The following MEX3C variants were observed in gnomAD, a reference collection of about 807,000 sequenced individuals.
The protein encoded by MEX3C is mex-3 RNA binding family member C.
MEX3C carries 15 observed loss-of-function variants against 35.5 expected under a neutral mutation model. The ratio of observed to expected loss-of-function variants is 0.42; its 90% confidence interval spans 0.28 to 0.65. The LOEUF (loss-of-function observed/expected upper bound fraction) is 0.65. Ranked by LOEUF, MEX3C falls within the 30% of genes least tolerant of loss-of-function variation. MEX3C has a pLI of 0.20. For synonymous variants in MEX3C, 390 were observed against 352.8 expected, an observed-to-expected ratio of 1.11 and a Z score of -1.18; for missense variants, 711 against 842.8, an observed-to-expected ratio of 0.84 and a Z score of 1.94.
chr18:51,190,539 T>A (rs1912629410), intron 1 of MEX3C, among the ~76,000 whole-genome samples: 4 of 152,186 alleles, frequency 2.6e-5, no homozygotes, highest in Admixed American at 2.6e-4. Context: ...TATTATTCCA[T>A]GATAGACTTT....
rs1024852467 is a variant in MEX3C, at chr18:51,175,140, A to G, written c.*1211T>C. The G allele has an allele frequency of 6.6e-6, 1 of 152,644 alleles. No homozygotes were observed. Among genetic ancestry groups the G allele is most frequent in the Non-Finnish European group, 1.5e-5 (1 of 68,034 alleles). 9.5% of individuals were successfully genotyped at this position (152,644 alleles called of 1,614,324 possible). On this transcript the variant is annotated 3_prime_UTR_variant, in exon 2 of 2. Transcript: ENST00000406189. ...CTATTTACTATTGAATACACATAGG[A>G]TTTCAATTTTCATTATACCGAGAAA... is the stretch of plus-strand genomic sequence containing the variant.
Position 51,176,506 on chromosome 18 carries a change from C to T in MEX3C, c.1825G>A (p.Val609Met). 6.2e-7 allele frequency: 1 copy of T among 1,614,012 alleles called. No homozygotes were observed. The highest frequency in any genetic ancestry group is 1.3e-5 in the African/African-American group (1 of 75,052). Residue 609 changes from valine (V) to methionine (M), a missense_variant, in exon 2 of 2, where the codon GTG becomes ATG. Around this residue, in one of 4 missense-constraint regions of MEX3C, gnomAD observed 87 missense variants for 150.4 expected, o/e 0.58. Coordinates refer to ENST00000406189, the MANE Select transcript of MEX3C (RefSeq NM_016626.5). Reference protein sequence around the residue: ...PPESRRKHDCVICFENEVIAA... With the variant: ...PPESRRKHDCMICFENEVIAA... ...ATAACCTCATTCTCAAAGCAAATCA[C>T]ACAGTCGTGCTTTCGTCTTGATTCT...
chr18:51,196,917 T>C lies in MEX3C; in HGVS notation c.404A>G (p.Glu135Gly). The C allele has an allele frequency of 6.5e-7, 1 of 1,543,560 alleles. No homozygotes were observed. The highest frequency in any genetic ancestry group is 8.7e-7 in the Non-Finnish European group (1 of 1,145,952). Residue 135 changes from glutamate to glycine, a missense_variant, in exon 1 of 2, where the codon GAG becomes GGG. Coordinates refer to ENST00000406189, the MANE Select transcript of MEX3C (RefSeq NM_016626.5). ...LEEEELEEAE[E>G]EDRSSLLLLS... is the part of the protein sequence containing the mutation. Reference sequence around the variant, plus strand: ...CAGCAGCAGCGACGACCGGTCCTCCTCCTCTGCTTCCTCCAGCTCCTCCTC... The same window carrying C: ...CAGCAGCAGCGACGACCGGTCCTCCCCCTCTGCTTCCTCCAGCTCCTCCTC...
intron 1 of MEX3C, among the ~76,000 whole-genome samples, chr18:51,182,402 T>A (rs1167030698): frequency 6.6e-6 from 1 of 152,150 alleles, no homozygotes; most frequent in Admixed American, 6.6e-5. Context: ...TAGCTACAGA[T>A]AAAAATCCAC....
rs528217409 is a variant in MEX3C at position 51,196,697 on chromosome 18, G to A, written c.624C>T (p.Gly208=). Reference sequence around the variant, plus strand: ...GGGCGGCCGCCGCCGCCCCACAACCGCCGGGGCCGTAGGCGTGGGACAGCA... The same window carrying A: ...GGGCGGCCGCCGCCGCCCCACAACCACCGGGGCCGTAGGCGTGGGACAGCA... ...AAMLSHAYGP[G]GCGAAAAALN... The change falls in exon 1 of 2, where the codon GGC becomes GGT. Residue 208 remains glycine, a synonymous_variant. Coordinates refer to ENST00000406189, the MANE Select transcript of MEX3C (RefSeq NM_016626.5). 8.3e-4 allele frequency: 1,272 copies of A among 1,541,728 alleles called. 20 individuals are homozygous for A. The Admixed American group carries it at 0.022, about 27-fold the overall frequency.
intron 1 of MEX3C, among the ~76,000 whole-genome samples, chr18:51,188,790 A>C (rs1405944020): frequency 1.3e-5 from 2 of 152,212 alleles, no homozygotes; most frequent in East Asian, 3.8e-4. Context: ...TAATAATGCA[A>C]AGATGACTAA....
At chr18:51,184,154 G>A (rs962598142) in intron 1 of MEX3C, among the ~76,000 whole-genome samples, 4 of 152,124 alleles carry the variant, frequency 2.6e-5, no homozygotes, top group African/African-American at 9.7e-5. Flanking sequence ...TAGGAGCTGT[G>A]AGCTAGAAGG....
intron 1 of MEX3C, among the ~76,000 whole-genome samples, chr18:51,192,377 G>A (rs1018978820): frequency 1.1e-4 from 17 of 152,002 alleles, no homozygotes; most frequent in African/African-American, 3.9e-4. Flanking sequence ...CATTATTAAC[G>A]AAATTTAAAT....
intron 1 of MEX3C, among the ~76,000 whole-genome samples, chr18:51,188,339 T>C (rs1012561397): frequency 6.6e-6 from 1 of 152,200 alleles, no homozygotes; most frequent in Non-Finnish European, 1.5e-5. Flanking sequence ...TGGTGACTTA[T>C]GCCTGTAATC....
Position 51,176,760 on chromosome 18 carries a change from C to T in MEX3C, c.1571G>A (p.Ser524Asn). 2.5e-6 allele frequency: 4 copies of T among 1,614,016 alleles called. No homozygotes were observed. The highest frequency in any genetic ancestry group is 3.4e-6 in the Non-Finnish European group (4 of 1,179,892). ...EPVNPLSGFG[S>N]DPSGNMKTQR... The stretch of plus-strand genomic sequence containing the variant: ...AGTCTTCATGTTACCAGAAGGATCA[C>T]TCCCAAAGCCAGAGAGTGGGTTAAC... Residue 524 changes from serine (S) to asparagine (N), a missense_variant, in exon 2 of 2, where the codon AGT (serine) becomes AAT (asparagine). Physicochemically the swap from Ser to Asn is conservative, Grantham distance 46 (BLOSUM62 1). Around this residue, in one of 4 missense-constraint regions of MEX3C, gnomAD observed 187 missense variants for 201.7 expected, o/e 0.93. Coordinates refer to ENST00000406189, the MANE Select transcript of MEX3C (RefSeq NM_016626.5).
intron 1 of MEX3C, among the ~76,000 whole-genome samples, chr18:51,179,124 C>A (rs1454176479): frequency 6.6e-6 from 1 of 151,786 alleles, no homozygotes; most frequent in African/African-American, 2.4e-5. Context: ...CTGCCCCAGC[C>A]ACCCGAGTAG....
chr18:51,179,410 T>C (rs1355152071), intron 1 of MEX3C, among the ~76,000 whole-genome samples: 1 of 152,202 alleles, frequency 6.6e-6, no homozygotes, highest in African/African-American at 2.4e-5. Context: ...ACTACACAGG[T>C]TGAGTTATCC....
chr18:51,187,754 C>T (rs748938546), intron 1 of MEX3C, among the ~76,000 whole-genome samples: 3 of 152,034 alleles, frequency 2.0e-5, no homozygotes, highest in Non-Finnish European at 4.4e-5. Context: ...AATCATCTCA[C>T]GTTTCATGAT....
chr18:51,191,924 G>A (rs569068442), intron 1 of MEX3C, among the ~76,000 whole-genome samples: 1 of 152,152 alleles, frequency 6.6e-6, no homozygotes, highest in African/African-American at 2.4e-5. Flanking sequence ...GCTACAATAG[G>A]TATTTTTACA....
chr18:51,180,120 A>G (rs889974895), intron 1 of MEX3C, among the ~76,000 whole-genome samples: 1 of 151,454 alleles, frequency 6.6e-6, no homozygotes, highest in Non-Finnish European at 1.5e-5. Context: ...AAACAGAAAT[A>G]AAAGAGAAAA....
In MEX3C at chr18:51,197,285, C is replaced by A; in HGVS notation, c.36G>T (p.Ala12=). 2.6e-6 allele frequency: 2 copies of A among 764,246 alleles called. No homozygotes were observed. The highest frequency in any genetic ancestry group is 3.2e-6 in the Non-Finnish European group (2 of 630,790). The allele number at this position is 764,246 out of a possible 1,614,324, so 47.3% of individuals were successfully genotyped here. A position where few individuals can be genotyped will look rare whatever the true frequency, so the allele number is the denominator to read the frequency against. The change falls in exon 1 of 2, where the codon GCG becomes GCT. Residue 12 remains alanine, a synonymous_variant. Transcript: ENST00000406189. Reference sequence around the variant, plus strand: ...GCTGCGGCAGGGGGGCCGGGGCCGCCGCCAGGGCCAGGGCCGCGGAGCTGC... The same window carrying A: ...GCTGCGGCAGGGGGGCCGGGGCCGCAGCCAGGGCCAGGGCCGCGGAGCTGC... ...PSGSSAALAL[A]AAPAPLPQPP...
chr18:51,189,911 T>C (rs1271744648), intron 1 of MEX3C, among the ~76,000 whole-genome samples: 2 of 152,238 alleles, frequency 1.3e-5, no homozygotes, highest in Non-Finnish European at 1.5e-5. Flanking sequence ...TTTATTGGTA[T>C]AGCCTACGAA....
At chr18:51,191,067 T>C (rs1454402695) in intron 1 of MEX3C, among the ~76,000 whole-genome samples, 1 of 152,198 alleles carries the variant, frequency 6.6e-6, no homozygotes, top group Non-Finnish European at 1.5e-5. Context: ...TTTAGTATCT[T>C]ATGAACATTA....
chr18:51,187,536 G>C (rs73960377), intron 1 of MEX3C, among the ~76,000 whole-genome samples: 311 of 152,216 alleles, frequency 2.0e-3, no homozygotes, highest in African/African-American at 7.3e-3. Context: ...TAAGTGCTTA[G>C]CCCAAGTTGT....
Sources: gnomAD v4.1 joint callset for allele counts (sites outside exome capture counted in the v4.1 genomes callset) on GRCh38, gnomAD v4.1.1 for gene constraint, gnomAD v4.1.1 regional missense constraint, MANE v1.5 for transcripts, NCBI Gene and HGNC (gene_info 2026-07-23, HGNC 2026-07-21) for gene names.